Variants in UNC79 observed in about 807,000 individuals in gnomAD.
The protein encoded by UNC79 is protein unc-79 homolog.
In UNC79, 37 loss-of-function variants were observed where a neutral mutation model predicts 283.1. The observed-to-expected ratio is 0.13, with a 90% confidence interval of 0.10 to 0.17. The LOEUF is 0.17. UNC79 is among the 10% of genes least tolerant of loss of function. UNC79 has a pLI of 1.00. For missense variants in UNC79, 2,272 were observed against 3,211.1 expected (o/e 0.71, Z 7.07); for synonymous variants, 1,107 against 1,200.2 (o/e 0.92, Z 1.61).
intron 14 of UNC79, among the ~76,000 whole-genome samples, chr14:93,570,861 A>T (rs906197879): frequency 2.0e-5 from 3 of 152,228 alleles, no homozygotes; most frequent in African/African-American, 7.2e-5. Context: ...AAGCCTTATT[A>T]TGTGGCTTGA....
chr14:93,648,713 A>T (rs2069906805), intron 35 of UNC79, among the ~76,000 whole-genome samples: 1 of 152,114 alleles, frequency 6.6e-6, no homozygotes. Flanking sequence ...TTAAGAAGTG[A>T]TGTTTAAACT....
rs909689707 is a variant in UNC79, at chr14:93,474,959, G to A, written c.448+566G>A. Among the ~76,000 whole-genome samples the A allele has an allele frequency of 2.0e-5, 3 of 152,122 alleles. No homozygotes were observed. The highest frequency in any genetic ancestry group is 4.4e-5 in the Non-Finnish European group (3 of 68,014). On this transcript the variant is annotated intron_variant, in intron 3 of 48. Coordinates refer to ENST00000555664, the Ensembl canonical transcript of UNC79. This position sits in a 1 kb window ranked among gnomAD's most constrained non-coding sequence, Gnocchi z 4.1. ...AAATGTAGATATAGTATATAGTGGC[G>A]CTGTATGCTGTATTCAGCATATGGT...
chr14:93,621,696 G>A lies in UNC79; in HGVS notation c.4463G>A (p.Ser1488Asn). 4 of 1,613,476 alleles carry A rather than the reference G, an allele frequency of 2.5e-6. No individual in the cohort carries two copies. The highest frequency in any genetic ancestry group is 1.6e-4 in the Middle Eastern group (1 of 6,062). ...CTTCTCCACTGTGTGAGAGAAGAAA[G>A]CATTCCGAAAAAAAAGCTACGCTCT... Residue 1488 changes from serine (S) to asparagine (N), a missense_variant, in exon 30 of 49, where the codon AGC becomes AAC. Physicochemically the swap from Ser to Asn is conservative, Grantham distance 46. Coordinates refer to ENST00000555664, the Ensembl canonical transcript of UNC79. The surrounding 1 kb of genome is among the most constrained non-coding windows in gnomAD (Gnocchi z 4.8).
intron 9 of UNC79, 91 bp from the exon 10 acceptor site, chr14:93,529,194 GC>G: frequency 7.7e-7 from 1 of 1,294,694 alleles, no homozygotes; most frequent in East Asian, 2.4e-5. Context: ...TCTATTAAAA[GC>G]CTTTCAGCAC....
At chr14:93,608,776 G>A (rs534104413) in intron 26 of UNC79, among the ~76,000 whole-genome samples, 2 of 152,296 alleles carry the variant, frequency 1.3e-5, no homozygotes, top group East Asian at 3.9e-4. Context: ...TATTCCTGCT[G>A]CTTTGGGACT....
At chr14:93,376,475 G>T (rs1350923517) in intron 1 of UNC79, among the ~76,000 whole-genome samples, 1 of 152,174 alleles carries the variant, frequency 6.6e-6, no homozygotes, top group East Asian at 1.9e-4. Flanking sequence ...ATATTTATAT[G>T]TATCTATATC....
chr14:93,615,049 G>A (rs1248022024), intron 27 of UNC79, among the ~76,000 whole-genome samples: 1 of 152,186 alleles, frequency 6.6e-6, no homozygotes, highest in African/African-American at 2.4e-5. Flanking sequence ...CTACAGAGAT[G>A]TGGATATGAA....
At chr14:93,463,164 C>T (rs753362675) in intron 1 of UNC79, among the ~76,000 whole-genome samples, 2 of 151,964 alleles carry the variant, frequency 1.3e-5, no homozygotes, top group Admixed American at 6.6e-5. Flanking sequence ...GGGTCTGGGA[C>T]GCCAAGGGGA....
chr14:93,696,186 C>A (rs1250912281), intron 47 of UNC79, among the ~76,000 whole-genome samples: 2 of 152,104 alleles, frequency 1.3e-5, no homozygotes, highest in African/African-American at 4.8e-5. Flanking sequence ...TATGAATATA[C>A]CACATTTTCC....
intron 1 of UNC79, among the ~76,000 whole-genome samples, chr14:93,431,414 C>T (rs2055872700): frequency 6.6e-6 from 1 of 151,296 alleles, no homozygotes; most frequent in Admixed American, 6.6e-5. Context: ...GGGGTAGCGG[C>T]AAATCAGGGG....
chr14:93,659,499 C>A (rs2071312229), intron 39 of UNC79, among the ~76,000 whole-genome samples: 1 of 152,142 alleles, frequency 6.6e-6, no homozygotes, highest in Non-Finnish European at 1.5e-5. Flanking sequence ...CCAATCCATC[C>A]CCCATACTAC....
At chr14:93,555,279 C>G (rs932190520) in intron 14 of UNC79, among the ~76,000 whole-genome samples, 1 of 143,992 alleles carries the variant, frequency 6.9e-6, no homozygotes, top group Non-Finnish European at 1.5e-5. Context: ...CATTGGATGT[C>G]TTTTACATAT....
chr14:93,379,844 A>C (rs528452819), intron 1 of UNC79, among the ~76,000 whole-genome samples: 11 of 152,254 alleles, frequency 7.2e-5, no homozygotes, highest in African/African-American at 2.6e-4. Context: ...TCTGTTCCCC[A>C]AAAGCTATTG....
In UNC79 at chr14:93,690,364, A is replaced by G. The variant is rs2074588296; in HGVS notation, c.7272+61A>G. ...CGCAATTGCTAATGGAAACCTTATCAGCCAATTATGTTTCTTCTGAGAAGA... is the reference window on the plus strand; with the variant it reads ...CGCAATTGCTAATGGAAACCTTATCGGCCAATTATGTTTCTTCTGAGAAGA... On this transcript the variant is annotated intron_variant, in intron 45 of 48. Transcript: ENST00000555664. This position sits in a 1 kb window ranked among gnomAD's most constrained non-coding sequence, Gnocchi z 4.3. The G allele has an allele frequency of 6.5e-7, 1 of 1,537,970 alleles. No homozygotes were observed. The highest frequency in any genetic ancestry group is 1.9e-5 in the Admixed American group (1 of 53,000).
intron 1 of UNC79, among the ~76,000 whole-genome samples, chr14:93,373,380 A>G (rs1365321762): frequency 6.6e-6 from 1 of 152,128 alleles, no homozygotes. Flanking sequence ...TTAATACAGT[A>G]GATAAACCTC....
Position 93,637,128 on chromosome 14 carries a change from C to T in UNC79, c.5717-88C>T. On this transcript the variant is annotated intron_variant, in intron 31 of 48. Transcript: ENST00000555664. ...ATAGTAACAGTGACCAAAAAATTGGCCCCCAGAGATGATTGGTTAAATTCT... is the reference window on the plus strand; with the variant it reads ...ATAGTAACAGTGACCAAAAAATTGGTCCCCAGAGATGATTGGTTAAATTCT... 3.8e-6 allele frequency: 3 copies of T among 784,536 alleles called. No individual in the cohort carries two copies. The South Asian group carries it at 4.2e-5, about 11-fold the overall frequency. 48.6% of individuals were successfully genotyped at this position (784,536 alleles called of 1,614,324 possible).
At position 93,542,118 on chromosome 14, in the gene UNC79, C is replaced by T. The variant is rs141597188; in HGVS notation, c.1525-348C>T. 2.0e-5 allele frequency among the ~76,000 whole-genome samples: 3 copies of T among 150,548 alleles called. No homozygotes were observed. The East Asian group carries it at 5.9e-4, about 29-fold the overall frequency. On this transcript the variant is annotated intron_variant, in intron 13 of 48. Transcript: ENST00000555664. ...TTAGCAAAATATGATCATTTTAGAA[C>T]TGAAATGTATATACATTATTTTCAT...
intron 24 of UNC79, 47 bp from the exon 25 acceptor site, chr14:93,600,522 A>T: frequency 2.1e-6 from 3 of 1,461,150 alleles, no homozygotes; most frequent in South Asian, 2.5e-5. Flanking sequence ...TTAGATGTTT[A>T]TATCTGACTT....
At chr14:93,387,334 GT>G (rs1007187786) in intron 1 of UNC79, among the ~76,000 whole-genome samples, 4 of 151,594 alleles carry the variant, frequency 2.6e-5, no homozygotes, top group Non-Finnish European at 5.9e-5. Context: ...TCATTAGGTG[GT>G]TTTTTTGAAT....
Sources: allele counts gnomAD v4.1 joint callset (sites outside exome capture counted in the v4.1 genomes callset), GRCh38; gene constraint gnomAD v4.1.1; non-coding constraint Gnocchi (gnomAD v3.1); transcripts MANE v1.5; gene names NCBI Gene and HGNC (gene_info 2026-07-23, HGNC 2026-07-21).